SMARCC1: variants seen among roughly 807,000 people sequenced by gnomAD.
SMARCC1 encodes the protein SWI/SNF related BAF chromatin remodeling complex subunit C1, also known as SWI/SNF complex subunit SMARCC1.
SMARCC1 carries 43 observed loss-of-function variants against 147.4 expected under a neutral mutation model. That is an observed-to-expected ratio of 0.29 (90% CI 0.23 to 0.38). The LOEUF (loss-of-function observed/expected upper bound fraction) is 0.38, where lower values mean the gene tolerates loss of function less well. Among genes scored for constraint, SMARCC1 ranks in the 10% least tolerant of loss-of-function variants. SMARCC1 has a pLI of 1.00. For synonymous variants in SMARCC1, 495 were observed against 484.4 expected (o/e 1.02, Z -0.29); for missense variants, 1,119 against 1,381.1 (o/e 0.81, Z 3.01).
chr3:47,601,202 G>A (rs1178193773), intron 26 of SMARCC1, among the ~76,000 whole-genome samples: 1 of 151,560 alleles, frequency 6.6e-6, no homozygotes, highest in Non-Finnish European at 1.5e-5. Context: ...GGTTTAACTA[G>A]TAGAAAAATC....
intron 11 of SMARCC1, among the ~76,000 whole-genome samples, chr3:47,696,130 G>A (rs1423361007): frequency 6.6e-6 from 1 of 151,378 alleles, no homozygotes; most frequent in Non-Finnish European, 1.5e-5. Context: ...TAGCACTTTG[G>A]GAGGCCAAGG....
At chr3:47,774,192 T>C (rs1009915265) in intron 1 of SMARCC1, among the ~76,000 whole-genome samples, 3 of 151,574 alleles carry the variant, frequency 2.0e-5, no homozygotes, top group Admixed American at 6.6e-5. Context: ...TTTCTGCTAC[T>C]ACCATTGAAA....
At chr3:47,725,429 A>G (rs1427141965) in intron 6 of SMARCC1, among the ~76,000 whole-genome samples, 1 of 151,920 alleles carries the variant, frequency 6.6e-6, no homozygotes, top group African/African-American at 2.4e-5. Flanking sequence ...AAAATTTTCA[A>G]TTGTGCACTT....
intron 11 of SMARCC1, among the ~76,000 whole-genome samples, 183 bp downstream of exon 11, chr3:47,701,095 T>C (rs949577614): frequency 1.3e-5 from 2 of 152,120 alleles, no homozygotes; most frequent in Non-Finnish European, 2.9e-5. Flanking sequence ...GTTTTCTCTA[T>C]AAACAAAGAG....
chr3:47,770,282 C>T (rs1010791269), intron 2 of SMARCC1, among the ~76,000 whole-genome samples: 1 of 151,778 alleles, frequency 6.6e-6, no homozygotes, highest in African/African-American at 2.4e-5. Context: ...AATCCCAGGA[C>T]TTTGCAAAGC....
At chr3:47,726,780 T>C (rs1456075375) in intron 6 of SMARCC1, among the ~76,000 whole-genome samples, 1 of 152,238 alleles carries the variant, frequency 6.6e-6, no homozygotes, top group Non-Finnish European at 1.5e-5. Context: ...TCTTAGTCTC[T>C]GATAACAACC....
At chr3:47,602,205 T>C (rs1576384050) in intron 26 of SMARCC1, among the ~76,000 whole-genome samples, 1 of 152,084 alleles carries the variant, frequency 6.6e-6, no homozygotes, top group Non-Finnish European at 1.5e-5. Flanking sequence ...GGTGAGAGGA[T>C]TGCTTGAGCC....
intron 2 of SMARCC1, among the ~76,000 whole-genome samples, chr3:47,768,050 G>C (rs577797797): frequency 6.6e-6 from 1 of 151,944 alleles, no homozygotes; most frequent in Non-Finnish European, 1.5e-5. Context: ...ATGTTGCCCA[G>C]GCTAGTTTCA....
intron 1 of SMARCC1, among the ~76,000 whole-genome samples, chr3:47,775,704 G>A (rs918999406): frequency 1.1e-4 from 16 of 151,820 alleles, no homozygotes; most frequent in Admixed American, 7.2e-4. Context: ...CCCAGGAGGC[G>A]CAGGCTGTAG....
chr3:47,734,427 C>T (rs1347204952), intron 5 of SMARCC1, among the ~76,000 whole-genome samples: 2 of 152,102 alleles, frequency 1.3e-5, no homozygotes, highest in African/African-American at 4.8e-5. Flanking sequence ...CATTAACTTT[C>T]AGAACATGCA....
chr3:47,721,961 T>TG, intron 6 of SMARCC1, among the ~76,000 whole-genome samples: 1 of 152,134 alleles, frequency 6.6e-6, no homozygotes, highest in Non-Finnish European at 1.5e-5. Context: ...GAGGCTGCAA[T>TG]GGGCTATTAA....
At chr3:47,714,522 T>G (rs774367674) in intron 7 of SMARCC1, 32 bp from the exon 8 acceptor site, 42 of 1,091,916 alleles carry the variant, frequency 3.8e-5, no homozygotes, top group Non-Finnish European at 4.6e-5. Context: ...AAAAACAAAT[T>G]AGAGTCAAAG....
At chr3:47,747,575 G>A (rs887800237) in intron 2 of SMARCC1, among the ~76,000 whole-genome samples, 14 of 149,694 alleles carry the variant, frequency 9.4e-5, no homozygotes, top group African/African-American at 3.2e-4. Context: ...AAGTCAAGCT[G>A]TAGTGAACTG....
rs536157957 is a variant in SMARCC1, at chr3:47,675,185, G to T, written c.1839+290C>A. On this transcript the variant is annotated intron_variant, in intron 18 of 27. Transcript: ENST00000254480. ...AACCTGTCTTCTGCTGTATGCAGTCGTTATTAAACCTATCAAATAATTTCA... is the reference window on the plus strand; with the variant it reads ...AACCTGTCTTCTGCTGTATGCAGTCTTTATTAAACCTATCAAATAATTTCA... Among the ~76,000 whole-genome samples, 4 of 152,158 alleles carry T rather than the reference G, an allele frequency of 2.6e-5. No homozygotes were observed. The East Asian group carries it at 7.7e-4, about 29-fold the overall frequency.
intron 19 of SMARCC1, among the ~76,000 whole-genome samples, chr3:47,664,750 T>C (rs962364770): frequency 6.6e-6 from 1 of 152,186 alleles, no homozygotes; most frequent in Non-Finnish European, 1.5e-5. Flanking sequence ...CAGACATTTT[T>C]GGTTGACCCA....
intron 26 of SMARCC1, among the ~76,000 whole-genome samples, chr3:47,592,349 C>G (rs1285754962): frequency 6.6e-6 from 1 of 152,178 alleles, no homozygotes; most frequent in Non-Finnish European, 1.5e-5. Context: ...TGGCTGTGTT[C>G]TAATAAATAC....
Position 47,675,600 on chromosome 3 carries a change from A to C in SMARCC1, c.1726-12T>G. The C allele has an allele frequency of 1.5e-6, 2 of 1,353,622 alleles. No homozygotes were observed. The highest frequency in any genetic ancestry group is 1.4e-5 in the African/African-American group (1 of 69,998). 83.9% of individuals were successfully genotyped at this position (1,353,622 alleles called of 1,614,324 possible). A position where few individuals can be genotyped will look rare whatever the true frequency, so the allele number is the denominator to read the frequency against. On this transcript the variant is annotated splice_polypyrimidine_tract_variant and intron_variant, in intron 17 of 27. Coordinates refer to ENST00000254480, the MANE Select transcript of SMARCC1 (RefSeq NM_003074.4). Reference sequence around the variant, plus strand: ...TGAGCAGCAGGAACCTGAGTCAAATAAATGATAAATGGCTGAGTTAGCCTC... The same window carrying C: ...TGAGCAGCAGGAACCTGAGTCAAATCAATGATAAATGGCTGAGTTAGCCTC...
chr3:47,763,747 GACTC>G (rs2034802817), intron 2 of SMARCC1, among the ~76,000 whole-genome samples: 1 of 151,450 alleles, frequency 6.6e-6, no homozygotes, highest in Non-Finnish European at 1.5e-5. Context: ...CTCAAACAGG[GACTC>G]ACTGTCGCCT....
At chr3:47,692,431 C>G (rs1020218217) in intron 12 of SMARCC1, among the ~76,000 whole-genome samples, 2 of 152,158 alleles carry the variant, frequency 1.3e-5, no homozygotes, top group Admixed American at 1.3e-4. Flanking sequence ...GATTTTTGTT[C>G]TAACAATACA....
Sources: gnomAD v4.1 joint callset for allele counts (sites outside exome capture counted in the v4.1 genomes callset) on GRCh38, gnomAD v4.1.1 for gene constraint, MANE v1.5 for transcripts, NCBI Gene and HGNC (gene_info 2026-07-23, HGNC 2026-07-21) for gene names.